The following NCKAP5 variants were observed in gnomAD, a reference collection of about 807,000 sequenced individuals.
NCKAP5 encodes nck-associated protein 5.
A neutral mutation model predicts 167.0 loss-of-function variants in NCKAP5; 92 were observed. That is an observed-to-expected ratio of 0.55 (90% CI 0.47 to 0.66). NCKAP5 has a LOEUF of 0.66. Ranked by LOEUF, NCKAP5 falls within the 30% of genes least tolerant of loss-of-function variation. NCKAP5 has a pLI of 0.00. For synonymous variants in NCKAP5, 891 were observed against 877.4 expected (o/e 1.02, Z -0.27); for missense variants, 2,378 against 2,315.0 (o/e 1.03, Z -0.56).
At chr2:133,348,969 T>C (rs2150805458) in intron 3 of NCKAP5, among the ~76,000 whole-genome samples, 1 of 152,362 alleles carries the variant, frequency 6.6e-6, no homozygotes, top group African/African-American at 2.4e-5. Context: ...TCTCTTATGC[T>C]GAGTAATGTA....
Position 133,070,650 on chromosome 2 carries a change from C to T in NCKAP5, c.341+59328G>A, listed in dbSNP as rs546129720. On this transcript the variant is annotated intron_variant, in intron 6 of 19. Coordinates refer to ENST00000409261, the MANE Select transcript of NCKAP5 (RefSeq NM_207363.3). ...TGAAGAGATCTTTTTCAAGTCACTG[C>T]TACTTGAGGCCTCAGCAACCAAGAA... is the stretch of plus-strand genomic sequence containing the variant. Among the ~76,000 whole-genome samples, 10 of 152,182 alleles carry T rather than the reference C, an allele frequency of 6.6e-5. No homozygotes were observed. The South Asian group carries it at 1.9e-3, about 28-fold the overall frequency.
chr2:133,187,373 A>G (rs1328653684), intron 5 of NCKAP5, among the ~76,000 whole-genome samples: 1 of 152,148 alleles, frequency 6.6e-6, no homozygotes, highest in East Asian at 1.9e-4. Context: ...ACAATGTAAA[A>G]GACAATGCCA....
rs565134890 is a variant in NCKAP5, at chr2:133,051,201, G to T, written c.342-56962C>A. Reference sequence around the variant, plus strand: ...TTATTCCCTCTGTGTGGTCCTCAGAGACTACTGCTGATCTGGGGTTAAACT... The same window carrying T: ...TTATTCCCTCTGTGTGGTCCTCAGATACTACTGCTGATCTGGGGTTAAACT... On this transcript the variant is annotated intron_variant, in intron 6 of 19. Coordinates refer to ENST00000409261, the MANE Select transcript of NCKAP5 (RefSeq NM_207363.3). 1.1e-4 allele frequency among the ~76,000 whole-genome samples: 16 copies of T among 152,272 alleles called. No individual in the cohort carries two copies. In the South Asian group the frequency reaches 3.3e-3, roughly 32 times the overall value.
At position 133,172,979 on chromosome 2, in the gene NCKAP5, C is replaced by T. The variant is rs540499205; in HGVS notation, c.207+40737G>A. Among the ~76,000 whole-genome samples the T allele has an allele frequency of 8.0e-4, 121 of 152,130 alleles. 1 individual carries two copies. Among genetic ancestry groups the T allele is most frequent in the African/African-American group, 8.2e-4 (34 of 41,534 alleles). On this transcript the variant is annotated intron_variant, in intron 5 of 19. Transcript: ENST00000409261. ...GGATTACAGGCGGGAGCCACCGTGA[C>T]GGGCTATCATATCTTTATGGAAGGG...
intron 3 of NCKAP5, among the ~76,000 whole-genome samples, chr2:133,307,414 T>A (rs746697338): frequency 2.0e-5 from 3 of 151,940 alleles, no homozygotes; most frequent in Non-Finnish European, 4.4e-5. Flanking sequence ...AATAAGGACG[T>A]GATTATGTAC....
chr2:133,132,570 GC>G (rs1165865399), intron 5 of NCKAP5, among the ~76,000 whole-genome samples: 1 of 149,464 alleles, frequency 6.7e-6, no homozygotes, highest in Non-Finnish European at 1.5e-5. Flanking sequence ...GAGGGCAAAA[GC>G]TTTTTACTAA....
At chr2:132,803,291 G>A (rs751363106) in intron 11 of NCKAP5, among the ~76,000 whole-genome samples, 1 of 152,122 alleles carries the variant, frequency 6.6e-6, no homozygotes, top group Non-Finnish European at 1.5e-5. Flanking sequence ...AACAGTCCTT[G>A]TTGCAATTAT....
At chr2:132,727,426 T>C (rs1690568725) in intron 18 of NCKAP5, among the ~76,000 whole-genome samples, 1 of 152,224 alleles carries the variant, frequency 6.6e-6, no homozygotes, top group Admixed American at 6.5e-5. Context: ...CAATGCTCTG[T>C]GCAAAGTGTG....
intron 3 of NCKAP5, among the ~76,000 whole-genome samples, chr2:133,436,277 C>T (rs1316189394): frequency 6.6e-6 from 1 of 152,156 alleles, no homozygotes; most frequent in African/African-American, 2.4e-5. Flanking sequence ...CCTGGATCCA[C>T]CTCCAGAGAT....
chr2:132,807,570 G>C (rs1685536681), intron 11 of NCKAP5, among the ~76,000 whole-genome samples: 1 of 152,002 alleles, frequency 6.6e-6, no homozygotes, highest in Admixed American at 6.6e-5. Context: ...GTTGCTGTTG[G>C]TATATAAAAG....
At chr2:133,062,071 G>A (rs2080026377) in intron 6 of NCKAP5, among the ~76,000 whole-genome samples, 1 of 152,162 alleles carries the variant, frequency 6.6e-6, no homozygotes, top group Non-Finnish European at 1.5e-5. Context: ...AAGATAAAAT[G>A]TAAATAATTC....
chr2:133,082,392 G>T (rs1023328655), intron 6 of NCKAP5, among the ~76,000 whole-genome samples: 1 of 152,112 alleles, frequency 6.6e-6, no homozygotes, highest in Non-Finnish European at 1.5e-5. Flanking sequence ...CAAGGCTTTT[G>T]ATGGAAGAGG....
At chr2:133,048,511 T>C (rs1315089588) in intron 6 of NCKAP5, among the ~76,000 whole-genome samples, 1 of 152,212 alleles carries the variant, frequency 6.6e-6, no homozygotes, top group Non-Finnish European at 1.5e-5. Flanking sequence ...CACCAATGGT[T>C]TATAATGGAT....
At chr2:132,880,896 C>T (rs1222004913) in intron 8 of NCKAP5, among the ~76,000 whole-genome samples, 1 of 152,148 alleles carries the variant, frequency 6.6e-6, no homozygotes, top group Non-Finnish European at 1.5e-5. Context: ...ACCTTGTAGA[C>T]ATGATGCATT....
chr2:133,439,980 G>A (rs532323655), intron 3 of NCKAP5, among the ~76,000 whole-genome samples: 1 of 152,134 alleles, frequency 6.6e-6, no homozygotes, highest in South Asian at 2.1e-4. Context: ...AGCGTTCCTC[G>A]GGTATGTTGT....
chr2:133,242,896 T>C (rs2087787878), intron 4 of NCKAP5, among the ~76,000 whole-genome samples: 1 of 152,126 alleles, frequency 6.6e-6, no homozygotes, highest in African/African-American at 2.4e-5. Flanking sequence ...CAGAGCATGA[T>C]TAGCTCAAGC....
chr2:133,538,291 T>C (rs1343335262), intron 2 of NCKAP5, among the ~76,000 whole-genome samples: 3 of 152,176 alleles, frequency 2.0e-5, no homozygotes, highest in Non-Finnish European at 2.9e-5. Flanking sequence ...CTTAGAAATA[T>C]AATATGAATT....
chr2:133,530,463 T>A (rs952345261), intron 2 of NCKAP5, among the ~76,000 whole-genome samples: 5 of 152,180 alleles, frequency 3.3e-5, no homozygotes, highest in African/African-American at 1.2e-4. Flanking sequence ...AAGTACCATA[T>A]AGGTTTTTAT....
intron 3 of NCKAP5, among the ~76,000 whole-genome samples, chr2:133,316,930 A>C (rs1681647266): frequency 6.6e-6 from 1 of 152,206 alleles, no homozygotes; most frequent in African/African-American, 2.4e-5. Flanking sequence ...CTCCTCCAAC[A>C]AAAAGGCAGC....
Sources: allele counts gnomAD v4.1 joint callset (sites outside exome capture counted in the v4.1 genomes callset), GRCh38; gene constraint gnomAD v4.1.1; transcripts MANE v1.5; gene names NCBI Gene and HGNC (gene_info 2026-07-23, HGNC 2026-07-21).